EYA2: variants seen among roughly 807,000 people sequenced by gnomAD.
EYA2 encodes protein phosphatase EYA2.
In EYA2, 31 loss-of-function variants were observed where a neutral mutation model predicts 69.2. The observed-to-expected ratio is 0.45, with a 90% CI of 0.34 to 0.60. EYA2 has a LOEUF of 0.60. Ranked by LOEUF, EYA2 falls within the 20% of genes least tolerant of loss-of-function variation. The pLI, the probability that EYA2 is intolerant of heterozygous loss-of-function variation, is 0.02. For missense variants in EYA2, 622 were observed against 701.2 expected (o/e 0.89, Z 1.28); for synonymous variants, 257 against 279.4 (o/e 0.92, Z 0.80).
intron 5 of EYA2, among the ~76,000 whole-genome samples, chr20:47,020,386 G>A (rs1425887111): frequency 2.0e-5 from 3 of 152,144 alleles, no homozygotes; most frequent in African/African-American, 7.2e-5. Flanking sequence ...GGATAACACT[G>A]CCCCTCCATG....
chr20:47,017,994 G>A (rs1983513087), intron 5 of EYA2, among the ~76,000 whole-genome samples: 1 of 152,166 alleles, frequency 6.6e-6, no homozygotes, highest in Admixed American at 6.5e-5. Flanking sequence ...TCACGTCTGT[G>A]TCCCCAGTCG....
chr20:46,982,545 T>C (rs1980901490), intron 1 of EYA2, among the ~76,000 whole-genome samples: 1 of 151,746 alleles, frequency 6.6e-6, no homozygotes, highest in African/African-American at 2.4e-5. Flanking sequence ...TGACTTGCTC[T>C]CTCTCTCCTC....
chr20:47,002,351 C>T (rs1407135062), intron 3 of EYA2, among the ~76,000 whole-genome samples: 1 of 152,114 alleles, frequency 6.6e-6, no homozygotes, highest in Non-Finnish European at 1.5e-5. Flanking sequence ...TGATGCTCTC[C>T]CTCTCCCCTA....
chr20:46,955,905 C>T (rs1425110414), intron 1 of EYA2, among the ~76,000 whole-genome samples: 1 of 152,216 alleles, frequency 6.6e-6, no homozygotes, highest in Non-Finnish European at 1.5e-5. Context: ...CATGCAATCT[C>T]CATTTCAACT....
chr20:47,179,723 A>T, intron 12 of EYA2, 75 bp from the exon 13 acceptor site: 1 of 1,021,070 alleles, frequency 9.8e-7, no homozygotes, highest in Non-Finnish European at 1.5e-6. Context: ...TACAGTAGCT[A>T]GATTCCTGTT....
At position 47,179,879 on chromosome 20, in the gene EYA2, A is replaced by T. The variant is rs563920971; in HGVS notation, c.1280A>T (p.His427Leu). The change falls in exon 13 of 16, where the codon CAC becomes CTC. Residue 427 changes from histidine (H) to leucine (L), a missense_variant. Physicochemically the swap from His to Leu is moderately conservative, Grantham distance 99. This residue lies in a region of EYA2 where 257 missense variants were observed against 351.5 expected (regional missense o/e 0.73). Coordinates refer to ENST00000327619, the MANE Select transcript of EYA2 (RefSeq NM_005244.5). ...GCTCTCACAGACCTCTGGCTGACCCACTCCCTGAAGGCACTAAACCTCATC... is the reference window on the plus strand; with the variant it reads ...GCTCTCACAGACCTCTGGCTGACCCTCTCCCTGAAGGCACTAAACCTCATC... The part of the protein sequence containing the change: ...LEALTDLWLT[H>L]SLKALNLINS... The T allele has an allele frequency of 4.3e-6, 7 of 1,613,822 alleles. No homozygotes were observed. In the African/African-American group the frequency reaches 5.3e-5, roughly 12 times the overall value.
intron 8 of EYA2, among the ~76,000 whole-genome samples, chr20:47,093,234 T>C (rs1292480089): frequency 3.9e-5 from 6 of 152,138 alleles, no homozygotes; most frequent in Admixed American, 3.9e-4. Context: ...TGAAACCAGG[T>C]CCTGGTAAAG....
At chr20:47,059,060 TG>T (rs1341140211) in intron 5 of EYA2, among the ~76,000 whole-genome samples, 2 of 152,144 alleles carry the variant, frequency 1.3e-5, no homozygotes, top group Non-Finnish European at 2.9e-5. Flanking sequence ...TGTGGAGTGA[TG>T]GGGAATGACA....
At chr20:46,976,758 T>C (rs987297080) in intron 1 of EYA2, among the ~76,000 whole-genome samples, 12 of 152,192 alleles carry the variant, frequency 7.9e-5, no homozygotes, top group African/African-American at 2.9e-4. Context: ...CATGGGACAT[T>C]CCGTGGGGAA....
At chr20:47,124,264 T>C (rs1180824361) in intron 9 of EYA2, among the ~76,000 whole-genome samples, 2 of 152,212 alleles carry the variant, frequency 1.3e-5, no homozygotes, top group Non-Finnish European at 2.9e-5. Context: ...TTGGGTGTTG[T>C]CTCTATTGAT....
chr20:47,017,384 G>A (rs1028299700), intron 5 of EYA2, among the ~76,000 whole-genome samples: 4 of 152,194 alleles, frequency 2.6e-5, no homozygotes, highest in Admixed American at 2.0e-4. Context: ...TGCCACCTCA[G>A]CCTCCTGAGT....
At chr20:47,138,949 C>T (rs2009333922) in intron 9 of EYA2, among the ~76,000 whole-genome samples, 2 of 152,146 alleles carry the variant, frequency 1.3e-5, no homozygotes, top group Non-Finnish European at 2.9e-5. Flanking sequence ...ACGGTAATAA[C>T]ATACAGTACA....
intron 1 of EYA2, among the ~76,000 whole-genome samples, chr20:46,947,291 T>G (rs139005139): frequency 4.0e-4 from 61 of 152,258 alleles, no homozygotes; most frequent in Admixed American, 1.9e-3. Context: ...AATCTAAGTT[T>G]TTTTTTTTTT....
At chr20:46,915,366 G>T (rs948297745) in intron 1 of EYA2, among the ~76,000 whole-genome samples, 2 of 152,166 alleles carry the variant, frequency 1.3e-5, no homozygotes, top group Non-Finnish European at 2.9e-5. Context: ...CCCTCTCATG[G>T]CCTGGATACG....
intron 1 of EYA2, among the ~76,000 whole-genome samples, chr20:46,915,262 T>A (rs1984847900): frequency 6.6e-6 from 1 of 152,188 alleles, no homozygotes. Flanking sequence ...TGTGTTTTTT[T>A]AAAAAACACG....
intron 2 of EYA2, among the ~76,000 whole-genome samples, chr20:46,995,007 TCTC>T (rs1171265576): frequency 1.3e-5 from 2 of 152,116 alleles, no homozygotes; most frequent in African/African-American, 4.8e-5. Flanking sequence ...TTCAAGCAAT[TCTC>T]CTGCCTCAGC....
At chr20:46,938,461 C>T (rs553878622) in intron 1 of EYA2, among the ~76,000 whole-genome samples, 1 of 152,198 alleles carries the variant, frequency 6.6e-6, no homozygotes, top group Non-Finnish European at 1.5e-5. Context: ...TGAGCTGGTC[C>T]TCCACTCAGG....
At chr20:46,928,420 C>T (rs556642453) in intron 1 of EYA2, among the ~76,000 whole-genome samples, 2 of 152,314 alleles carry the variant, frequency 1.3e-5, no homozygotes, top group East Asian at 3.9e-4. Context: ...ACCTGCTGAG[C>T]ATCAGAGGCT....
At chr20:47,186,010 G>A (rs1235940256) in intron 15 of EYA2, among the ~76,000 whole-genome samples, 1 of 151,980 alleles carries the variant, frequency 6.6e-6, no homozygotes, top group South Asian at 2.1e-4. Context: ...CTGCCCCCAC[G>A]TTCCCCCACA....
Sources: gnomAD v4.1 joint callset for allele counts (sites outside exome capture counted in the v4.1 genomes callset) on GRCh38, gnomAD v4.1.1 for gene constraint, gnomAD v4.1.1 regional missense constraint, MANE v1.5 for transcripts, NCBI Gene and HGNC (gene_info 2026-07-23, HGNC 2026-07-21) for gene names.